ACTR3: variants seen among roughly 807,000 people sequenced by gnomAD.
The protein encoded by ACTR3 is actin related protein 3, also known as actin-related protein 3.
In ACTR3, 12 loss-of-function variants were observed where a neutral mutation model predicts 56.8. That is an observed-to-expected ratio of 0.21 (90% confidence interval 0.14 to 0.34). ACTR3 has a LOEUF of 0.34. ACTR3 is among the 10% of genes least tolerant of loss of function. ACTR3 has a pLI of 1.00. For missense variants in ACTR3, 282 were observed against 512.5 expected (o/e 0.55, Z 4.34); for synonymous variants, 162 against 167.4 (o/e 0.97, Z 0.25).
At chr2:113,897,762 A>G (rs1351207373) in intron 1 of ACTR3, among the ~76,000 whole-genome samples, 1 of 152,008 alleles carries the variant, frequency 6.6e-6, no homozygotes, top group East Asian at 1.9e-4. Flanking sequence ...CCTGAACTCA[A>G]GTGATCCACC....
intron 8 of ACTR3, among the ~76,000 whole-genome samples, chr2:113,946,648 G>T (rs922302293): frequency 6.6e-6 from 1 of 152,120 alleles, no homozygotes; most frequent in African/African-American, 2.4e-5. Context: ...CTCCCATTCT[G>T]TAGGTTGTCT....
intron 7 of ACTR3, 23 bp downstream of exon 7, chr2:113,940,125 A>G (rs766501234): frequency 6.3e-7 from 1 of 1,583,804 alleles, no homozygotes; most frequent in South Asian, 1.2e-5. Flanking sequence ...ATAGGAGTGT[A>G]ATTTAGTTAA....
chr2:113,903,763 G>A (rs966476772), intron 1 of ACTR3, among the ~76,000 whole-genome samples: 1 of 151,916 alleles, frequency 6.6e-6, no homozygotes, highest in African/African-American at 2.4e-5. Flanking sequence ...CTAAGTGCTG[G>A]GATTACAGGC....
Position 113,937,653 on chromosome 2 carries a change from A to T in ACTR3, c.541-2306A>T, listed in dbSNP as rs541700306. Among the ~76,000 whole-genome samples the T allele has an allele frequency of 2.2e-4, 34 of 152,290 alleles. 1 individual carries two copies. The South Asian group carries it at 7.0e-3, about 32-fold the overall frequency. ...GAAGGTTGACAGTTTTCCCCTGTAG[A>T]TGTCACTCCACTGTCTTCTGGCTTA... is the stretch of plus-strand genomic sequence containing the variant. On this transcript the variant is annotated intron_variant, in intron 6 of 11. Transcript: ENST00000263238.
intron 10 of ACTR3, chr2:113,953,184 ATTGT>A (rs1251953597): frequency 1.3e-5 from 2 of 152,296 alleles, no homozygotes; most frequent in East Asian, 1.9e-4. Flanking sequence ...AAAAAGTGAG[ATTGT>A]TTAACATTTT....
At chr2:113,909,674 G>A (rs1324690703) in intron 1 of ACTR3, among the ~76,000 whole-genome samples, 1 of 149,686 alleles carries the variant, frequency 6.7e-6, no homozygotes, top group Non-Finnish European at 1.5e-5. Context: ...TGTGAGGGGG[G>A]AATAGGGAAT....
chr2:113,943,484 A>G (rs1158980416), intron 8 of ACTR3, among the ~76,000 whole-genome samples: 3 of 152,204 alleles, frequency 2.0e-5, no homozygotes, highest in Non-Finnish European at 4.4e-5. Context: ...TGTGTACCAT[A>G]TTAGAAAGGT....
At chr2:113,927,517 C>A in intron 4 of ACTR3, 62 bp downstream of exon 4, 2 of 1,039,332 alleles carry the variant, frequency 1.9e-6, no homozygotes, top group Non-Finnish European at 2.9e-6. Context: ...AGAACATTTT[C>A]ATCATACTTC....
Position 113,919,510 on chromosome 2 carries a change from C to CT in ACTR3, c.225+2510dup, listed in dbSNP as rs530558701. Reference sequence around the variant, plus strand: ...CATGGTACCCTACTTCCTATATTTACTTTTTTTTGTTGTAAATGGTAGTTA... The same window carrying CT: ...CATGGTACCCTACTTCCTATATTTACTTTTTTTTTGTTGTAAATGGTAGTTA... On this transcript the variant is annotated intron_variant, in intron 3 of 11. Coordinates refer to ENST00000263238, the MANE Select transcript of ACTR3 (RefSeq NM_005721.5). Among the ~76,000 whole-genome samples the CT allele has an allele frequency of 6.6e-5, 10 of 151,766 alleles. No individual in the cohort carries two copies. In the South Asian group the frequency reaches 8.3e-4, roughly 13 times the overall value.
At chr2:113,926,159 A>G (rs75357379) in intron 3 of ACTR3, among the ~76,000 whole-genome samples, 1 of 152,318 alleles carries the variant, frequency 6.6e-6, no homozygotes, top group East Asian at 1.9e-4. Flanking sequence ...GGACATTGCC[A>G]CCCTGATTTC....
chr2:113,929,131 T>G (rs1440449374), intron 4 of ACTR3, among the ~76,000 whole-genome samples: 2 of 82,386 alleles, frequency 2.4e-5, no homozygotes, highest in Non-Finnish European at 4.8e-5. Context: ...GCTATTTTTG[T>G]TTTTTTTTTG....
At chr2:113,936,302 CAAAAAAA>C (rs61526382) in intron 6 of ACTR3, among the ~76,000 whole-genome samples, 9 of 78,276 alleles carry the variant, frequency 1.1e-4, no homozygotes, top group African/African-American at 2.3e-4. Flanking sequence ...ACCCTGTCTC[CAAAAAAA>C]AAAAAAAAAA....
At chr2:113,915,061 G>C (rs973280671) in intron 2 of ACTR3, among the ~76,000 whole-genome samples, 1 of 152,168 alleles carries the variant, frequency 6.6e-6, no homozygotes, top group African/African-American at 2.4e-5. Flanking sequence ...CTAATGTAGA[G>C]GTACTTCTTT....
intron 5 of ACTR3, among the ~76,000 whole-genome samples, chr2:113,933,143 CA>C (rs1186088407): frequency 6.6e-6 from 1 of 152,108 alleles, no homozygotes; most frequent in African/African-American, 2.4e-5. Flanking sequence ...ATAATTAAAT[CA>C]TAGTAGTATT....
intron 3 of ACTR3, among the ~76,000 whole-genome samples, chr2:113,924,050 T>TTC (rs1322495146): frequency 5.5e-5 from 8 of 146,026 alleles, no homozygotes; most frequent in African/African-American, 1.9e-4. Context: ...TCTGACTTTT[T>TTC]TCTCTTTTTT....
chr2:113,924,331 C>T (rs906442128), intron 3 of ACTR3, among the ~76,000 whole-genome samples: 2 of 151,924 alleles, frequency 1.3e-5, no homozygotes, highest in African/African-American at 4.8e-5. Flanking sequence ...CTCACCTTGG[C>T]CTCCCAAAGT....
chr2:113,891,308 A>G (rs1678890071), intron 1 of ACTR3, among the ~76,000 whole-genome samples: 1 of 152,204 alleles, frequency 6.6e-6, no homozygotes, highest in Admixed American at 6.5e-5. Context: ...AGGAAGGTAT[A>G]GAGGTATATA....
chr2:113,956,735 G>A (rs1411576908), intron 11 of ACTR3, among the ~76,000 whole-genome samples: 1 of 152,186 alleles, frequency 6.6e-6, no homozygotes, highest in Non-Finnish European at 1.5e-5. Context: ...GCTTTTATCT[G>A]AATTATTGAA....
At position 113,919,173 on chromosome 2, in the gene ACTR3, A is replaced by G. The variant is rs75477206; in HGVS notation, c.225+2165A>G. The stretch of plus-strand genomic sequence containing the variant: ...TTAACTCTTAAATATGAAGGCTTTT[A>G]AAAAAGGTAAATATGACACCTTAAT... On this transcript the variant is annotated intron_variant, in intron 3 of 11. Coordinates refer to ENST00000263238, the MANE Select transcript of ACTR3 (RefSeq NM_005721.5). Among the ~76,000 whole-genome samples the G allele has an allele frequency of 2.4e-3, 360 of 152,348 alleles. 4 individuals carry two copies. In the East Asian group the frequency reaches 0.047, roughly 20 times the overall value.
Sources: gnomAD v4.1 joint callset for allele counts (sites outside exome capture counted in the v4.1 genomes callset) on GRCh38, gnomAD v4.1.1 for gene constraint, MANE v1.5 for transcripts, NCBI Gene and HGNC (gene_info 2026-07-23, HGNC 2026-07-21) for gene names.